PRKG1: variants seen among roughly 807,000 people sequenced by gnomAD.
The protein encoded by PRKG1 is protein kinase cGMP-dependent 1.
Under a neutral mutation model 88.1 loss-of-function variants are expected in PRKG1, and 35 were observed. The observed-to-expected ratio is 0.40, with a 90% CI of 0.30 to 0.53. PRKG1 has a LOEUF of 0.53. PRKG1 is among the 20% of genes least tolerant of loss of function. PRKG1 has a pLI of 0.59. For synonymous variants in PRKG1, 303 were observed against 292.5 expected (o/e 1.04, Z -0.37); for missense variants, 540 against 839.8 (o/e 0.64, Z 4.41).
chr10:51,447,318 C>G (rs113782220), intron 2 of PRKG1, among the ~76,000 whole-genome samples: 1,977 of 152,108 alleles, frequency 0.013, 23 homozygotes, highest in Non-Finnish European at 0.018. Flanking sequence ...CTGCAACTCT[C>G]CCAGTGACTG....
intron 5 of PRKG1, chr10:51,908,763 T>C (rs1483553851): frequency 1.5e-5 from 2 of 130,410 alleles, no homozygotes; most frequent in African/African-American, 6.6e-5. Flanking sequence ...AGTGTCTTGC[T>C]CTGTCGCCCA....
chr10:51,743,586 C>G (rs1306113737), intron 3 of PRKG1, among the ~76,000 whole-genome samples: 2 of 147,522 alleles, frequency 1.4e-5, no homozygotes, highest in African/African-American at 5.1e-5. Context: ...TCATTTTTCT[C>G]TCTTCCTCTT....
intron 3 of PRKG1, among the ~76,000 whole-genome samples, chr10:51,708,176 C>A (rs981267041): frequency 3.3e-5 from 5 of 152,100 alleles, no homozygotes; most frequent in Non-Finnish European, 5.9e-5. Flanking sequence ...TTTTCCTGAT[C>A]CTCTCTCCTT....
chr10:51,797,991 A>G (rs994160366), intron 3 of PRKG1, among the ~76,000 whole-genome samples: 1 of 152,056 alleles, frequency 6.6e-6, no homozygotes, highest in Non-Finnish European at 1.5e-5. Context: ...TTCTTTTCAC[A>G]AGCCTGAATA....
At chr10:51,749,986 A>G (rs1244272929) in intron 3 of PRKG1, among the ~76,000 whole-genome samples, 2 of 137,166 alleles carry the variant, frequency 1.5e-5, no homozygotes, top group Non-Finnish European at 3.0e-5. Flanking sequence ...CCCAGGCTGG[A>G]GTGCAATGGC....
rs149563275 is a variant in PRKG1 at position 51,754,773 on chromosome 10, C to A, written c.593-49812C>A. 3.7e-4 allele frequency among the ~76,000 whole-genome samples: 57 copies of A among 152,268 alleles called. 1 individual carries two copies. The East Asian group carries it at 0.01, about 28-fold the overall frequency. ...CTTCAAAGTAACTTTTAGGTTAGAG[C>A]TGCATGAATTTCAGATAAACTATTT... On this transcript the variant is annotated intron_variant, in intron 3 of 17. Coordinates refer to ENST00000373980, the MANE Select transcript of PRKG1 (RefSeq NM_006258.4).
At chr10:51,771,327 C>A (rs895765078) in intron 3 of PRKG1, among the ~76,000 whole-genome samples, 2 of 152,128 alleles carry the variant, frequency 1.3e-5, no homozygotes, top group Admixed American at 6.6e-5. Context: ...ATTACTTAGA[C>A]TTTTCTTTTT....
At chr10:51,509,708 A>G (rs919506701) in intron 3 of PRKG1, among the ~76,000 whole-genome samples, 3 of 152,056 alleles carry the variant, frequency 2.0e-5, no homozygotes, top group Non-Finnish European at 4.4e-5. Context: ...TCCACACACG[A>G]TGTTGGGGTT....
At chr10:51,945,989 C>T (rs1433663079) in intron 5 of PRKG1, among the ~76,000 whole-genome samples, 1 of 151,004 alleles carries the variant, frequency 6.6e-6, no homozygotes, top group South Asian at 2.1e-4. Context: ...TTTCCTGAAT[C>T]TGAATGTTGG....
chr10:51,863,846 T>G (rs531480408), intron 4 of PRKG1, among the ~76,000 whole-genome samples: 2 of 152,328 alleles, frequency 1.3e-5, no homozygotes, highest in East Asian at 3.9e-4. Context: ...ATTTCTTTCA[T>G]GTTTAGCTTC....
chr10:51,604,511 C>T (rs1474167282), intron 3 of PRKG1, among the ~76,000 whole-genome samples: 6 of 152,344 alleles, frequency 3.9e-5, no homozygotes, highest in Non-Finnish European at 7.3e-5. Flanking sequence ...TTCACAACCA[C>T]ATCATGGGCT....
chr10:52,228,623 T>TACATATATGAAA (rs1353656097), intron 9 of PRKG1, among the ~76,000 whole-genome samples: 2 of 152,206 alleles, frequency 1.3e-5, no homozygotes, highest in East Asian at 3.9e-4. Flanking sequence ...TGAAAGGATA[T>TACATATATGAAA]GGCACAGTGC....
At chr10:51,411,787 A>C (rs1838096117) in intron 2 of PRKG1, among the ~76,000 whole-genome samples, 1 of 152,068 alleles carries the variant, frequency 6.6e-6, no homozygotes. Context: ...TTTTATGACT[A>C]TATTTATGGC....
chr10:51,227,896 C>T (rs938620005), intron 2 of PRKG1, among the ~76,000 whole-genome samples: 4 of 152,020 alleles, frequency 2.6e-5, no homozygotes, highest in African/African-American at 9.7e-5. Context: ...TTGTGCCAAA[C>T]GACTGTGGAG....
At chr10:51,303,151 C>A (rs768614139) in intron 2 of PRKG1, among the ~76,000 whole-genome samples, 1 of 152,080 alleles carries the variant, frequency 6.6e-6, no homozygotes, top group Non-Finnish European at 1.5e-5. Flanking sequence ...CCACAAGGGA[C>A]ATAAATGTAA....
At chr10:51,412,453 G>A (rs1383636912) in intron 2 of PRKG1, among the ~76,000 whole-genome samples, 2 of 104,294 alleles carry the variant, frequency 1.9e-5, no homozygotes, top group Admixed American at 8.2e-5. Flanking sequence ...GATCAGCCTG[G>A]CCAACATGGT....
intron 2 of PRKG1, among the ~76,000 whole-genome samples, chr10:51,270,413 A>G (rs1418051680): frequency 6.6e-6 from 1 of 152,088 alleles, no homozygotes; most frequent in Non-Finnish European, 1.5e-5. Flanking sequence ...ATTTTTGGAC[A>G]TCTTATGCCT....
intron 4 of PRKG1, among the ~76,000 whole-genome samples, chr10:51,833,090 G>A (rs1840043572): frequency 6.6e-6 from 1 of 152,086 alleles, no homozygotes; most frequent in Non-Finnish European, 1.5e-5. Context: ...TAAAGAAAAG[G>A]CTCATTGAAT....
At chr10:51,880,568 A>C (rs1286318960) in intron 4 of PRKG1, among the ~76,000 whole-genome samples, 2 of 152,240 alleles carry the variant, frequency 1.3e-5, no homozygotes, top group Non-Finnish European at 2.9e-5. Flanking sequence ...TGAGAATCTT[A>C]GAGAAGGAGA....
Sources: allele counts gnomAD v4.1 joint callset (sites outside exome capture counted in the v4.1 genomes callset), GRCh38; gene constraint gnomAD v4.1.1; transcripts MANE v1.5; gene names NCBI Gene and HGNC (gene_info 2026-07-23, HGNC 2026-07-21).